The following GRIK2 variants were observed in gnomAD, a reference collection of about 807,000 sequenced individuals.
The protein encoded by GRIK2 is glutamate receptor ionotropic, kainate 2.
In GRIK2, 32 loss-of-function variants were observed where a neutral mutation model predicts 100.3. The observed-to-expected ratio is 0.32, with a 90% CI of 0.24 to 0.43. The LOEUF is 0.43. Among genes scored for constraint, GRIK2 ranks in the 20% least tolerant of loss-of-function variants. The pLI is 1.00. For synonymous variants in GRIK2, 417 were observed against 389.4 expected, an observed-to-expected ratio of 1.07 and a Z score of -0.83; for missense variants, 843 against 1,114.9, an observed-to-expected ratio of 0.76 and a Z score of 3.47.
intron 10 of GRIK2, among the ~76,000 whole-genome samples, chr6:101,823,116 A>G (rs2764226): frequency 0.27 from 41,026 of 150,674 alleles, 7,423 homozygotes; most frequent in East Asian, 0.64. Flanking sequence ...TAGTCTCTGC[A>G]CTCCCCTCAT....
intron 11 of GRIK2, among the ~76,000 whole-genome samples, chr6:101,872,811 T>G (rs187311844): frequency 1.3e-5 from 2 of 151,972 alleles, no homozygotes; most frequent in African/African-American, 4.8e-5. Context: ...TAAGTAATTT[T>G]ATGTCTGTTT....
chr6:101,996,318 C>T (rs1281602171), intron 14 of GRIK2, among the ~76,000 whole-genome samples: 2 of 152,026 alleles, frequency 1.3e-5, no homozygotes, highest in Non-Finnish European at 2.9e-5. Context: ...GGGATAAATG[C>T]TTGACAACAG....
chr6:101,832,178 C>G (rs1782743052), intron 10 of GRIK2, among the ~76,000 whole-genome samples: 1 of 151,874 alleles, frequency 6.6e-6, no homozygotes, highest in Non-Finnish European at 1.5e-5. Context: ...TATATAATTT[C>G]TGAAACTTTT....
intron 14 of GRIK2, among the ~76,000 whole-genome samples, chr6:101,959,417 G>A (rs534893997): frequency 2.6e-4 from 40 of 152,114 alleles, no homozygotes; most frequent in Admixed American, 2.5e-3. Flanking sequence ...TATTTCTGTG[G>A]TATCACTTGT....
chr6:101,458,675 C>T (rs1382242420), intron 2 of GRIK2, among the ~76,000 whole-genome samples: 1 of 152,182 alleles, frequency 6.6e-6, no homozygotes, highest in Non-Finnish European at 1.5e-5. Context: ...CTCTGCTAGA[C>T]AATCGTATCT....
intron 10 of GRIK2, among the ~76,000 whole-genome samples, chr6:101,834,672 A>C (rs570519608): frequency 2.8e-4 from 42 of 152,154 alleles, no homozygotes; most frequent in Admixed American, 2.2e-3. Context: ...TTTAACATCT[A>C]CACATTTCTT....
chr6:101,873,760 G>T (rs1785600477), intron 11 of GRIK2, among the ~76,000 whole-genome samples: 1 of 151,822 alleles, frequency 6.6e-6, no homozygotes, highest in Non-Finnish European at 1.5e-5. Flanking sequence ...AGCACCTGTT[G>T]TTTCCTGACT....
intron 7 of GRIK2, among the ~76,000 whole-genome samples, chr6:101,713,641 G>A (rs1380489340): frequency 6.6e-6 from 1 of 151,768 alleles, no homozygotes; most frequent in African/African-American, 2.4e-5. Context: ...AAGTCTGCAT[G>A]ACAAACAACT....
At chr6:101,883,965 C>A (rs1006426299) in intron 11 of GRIK2, among the ~76,000 whole-genome samples, 1 of 152,018 alleles carries the variant, frequency 6.6e-6, no homozygotes, top group Non-Finnish European at 1.5e-5. Context: ...TTAGAAAGAA[C>A]CTTCTGGAGT....
At chr6:101,887,528 A>T (rs920633005) in intron 11 of GRIK2, among the ~76,000 whole-genome samples, 3 of 152,132 alleles carry the variant, frequency 2.0e-5, no homozygotes, top group Non-Finnish European at 4.4e-5. Flanking sequence ...ATTTCTTAAA[A>T]TACCACTGCA....
At chr6:101,937,854 C>A (rs1790713369) in intron 14 of GRIK2, among the ~76,000 whole-genome samples, 1 of 152,082 alleles carries the variant, frequency 6.6e-6, no homozygotes, top group Admixed American at 6.6e-5. Flanking sequence ...CCATTAATTA[C>A]AAGGTGAATA....
chr6:101,961,444 C>A (rs1792292722), intron 14 of GRIK2, among the ~76,000 whole-genome samples: 1 of 152,092 alleles, frequency 6.6e-6, no homozygotes, highest in Admixed American at 6.5e-5. Context: ...CCTAGGCATA[C>A]CCATGCCAAC....
At chr6:101,453,798 C>A (rs113412400) in intron 2 of GRIK2, among the ~76,000 whole-genome samples, 153 of 151,986 alleles carry the variant, frequency 1.0e-3, no homozygotes, top group Admixed American at 1.8e-3. Context: ...TGTAAGCACC[C>A]TTTTATCACA....
intron 2 of GRIK2, among the ~76,000 whole-genome samples, chr6:101,532,191 A>G (rs925190279): frequency 2.6e-5 from 4 of 151,740 alleles, no homozygotes; most frequent in African/African-American, 9.7e-5. Flanking sequence ...CAGCTCCTCA[A>G]ACACTCCATG....
At chr6:101,687,484 C>T (rs915971311) in intron 7 of GRIK2, among the ~76,000 whole-genome samples, 10 of 151,844 alleles carry the variant, frequency 6.6e-5, no homozygotes, top group Admixed American at 5.9e-4. Flanking sequence ...TTCTATTATG[C>T]TTGTAATTTT....
intron 2 of GRIK2, among the ~76,000 whole-genome samples, chr6:101,399,633 C>A (rs146094886): frequency 8.4e-4 from 128 of 152,290 alleles, no homozygotes; most frequent in Non-Finnish European, 1.5e-3. Context: ...GCATTACCTC[C>A]CCACAGTAGC....
chr6:101,795,609 G>A (rs1312614071), intron 7 of GRIK2, among the ~76,000 whole-genome samples: 5 of 152,252 alleles, frequency 3.3e-5, no homozygotes, highest in African/African-American at 7.2e-5. Flanking sequence ...AGAAATAGCA[G>A]TAGTGATGGT....
chr6:101,896,656 T>C (rs1787465299), intron 12 of GRIK2, among the ~76,000 whole-genome samples: 1 of 151,702 alleles, frequency 6.6e-6, no homozygotes, highest in African/African-American at 2.4e-5. Context: ...CTCTGTATCC[T>C]TCTTTGCCTC....
chr6:101,489,444 G>A (rs1337644716), intron 2 of GRIK2, among the ~76,000 whole-genome samples: 4 of 145,172 alleles, frequency 2.8e-5, no homozygotes, highest in Admixed American at 6.9e-5. Context: ...CCCCCCGCCC[G>A]CCCACACTGA....
Sources: allele counts gnomAD v4.1 joint callset (sites outside exome capture counted in the v4.1 genomes callset), GRCh38; gene constraint gnomAD v4.1.1; transcripts MANE v1.5; gene names NCBI Gene and HGNC (gene_info 2026-07-23, HGNC 2026-07-21).